Variants in STIM2 observed in about 807,000 individuals in gnomAD.
STIM2 encodes stromal interaction molecule 2.
A neutral mutation model predicts 85.8 loss-of-function variants in STIM2; 31 were observed. The ratio of observed to expected loss-of-function variants is 0.36; its 90% CI spans 0.27 to 0.49. STIM2 has a LOEUF of 0.49. STIM2 is among the 20% of genes least tolerant of loss of function. The pLI, the probability that STIM2 is intolerant of heterozygous loss-of-function variation, is 0.98. For synonymous variants in STIM2, 356 were observed against 331.1 expected (o/e 1.08, Z -0.82); for missense variants, 841 against 927.6 (o/e 0.91, Z 1.21).
chr4:26,962,559 AGTGTGTGTGTGT>A (rs34301656), intron 3 of STIM2, among the ~76,000 whole-genome samples: 315 of 142,714 alleles, frequency 2.2e-3, no homozygotes, highest in Middle Eastern at 0.01. Flanking sequence ...ACTTTAATGC[AGTGTGTGTGTGT>A]GTGTGTGTGT....
intron 7 of STIM2, among the ~76,000 whole-genome samples, chr4:27,004,347 A>G (rs1257117252): frequency 6.6e-6 from 1 of 152,142 alleles, no homozygotes; most frequent in African/African-American, 2.4e-5. Flanking sequence ...GAATGTAGCA[A>G]AGAATCAGGG....
intron 1 of STIM2, among the ~76,000 whole-genome samples, chr4:26,870,901 CTT>C (rs58728231): frequency 2.0e-3 from 279 of 141,106 alleles, no homozygotes; most frequent in African/African-American, 6.2e-3. Flanking sequence ...TTAGTGAATC[CTT>C]TTTTTTTTTT....
chr4:26,963,671 C>T (rs1726569838), intron 3 of STIM2, among the ~76,000 whole-genome samples: 1 of 152,134 alleles, frequency 6.6e-6, no homozygotes, highest in Non-Finnish European at 1.5e-5. Context: ...ATATAAATGA[C>T]ACGATTGCAG....
chr4:26,973,718 A>G (rs1727068339), intron 3 of STIM2, among the ~76,000 whole-genome samples: 1 of 152,184 alleles, frequency 6.6e-6, no homozygotes, highest in Admixed American at 6.5e-5. Flanking sequence ...TGTTCTGTTG[A>G]TTAGGGCTGG....
intron 1 of STIM2, among the ~76,000 whole-genome samples, chr4:26,894,266 A>ATG (rs199610340): frequency 1.3e-5 from 2 of 150,866 alleles, no homozygotes; most frequent in African/African-American, 2.5e-5. Flanking sequence ...TTATATACTT[A>ATG]TGTGTGTATA....
intron 1 of STIM2, among the ~76,000 whole-genome samples, chr4:26,890,203 T>C (rs1395444023): frequency 6.6e-6 from 1 of 152,182 alleles, no homozygotes; most frequent in Admixed American, 6.5e-5. Flanking sequence ...GCCCACTTTT[T>C]TTTCTTCGGT....
intron 11 of STIM2, chr4:27,021,535 A>G: frequency 2.2e-6 from 1 of 456,820 alleles, no homozygotes; most frequent in Non-Finnish European, 4.4e-6. Context: ...CAGGGACCAC[A>G]TGTACACGGC....
chr4:27,004,555 A>G (rs749976158), intron 7 of STIM2, among the ~76,000 whole-genome samples: 1 of 152,154 alleles, frequency 6.6e-6, no homozygotes, highest in Non-Finnish European at 1.5e-5. Flanking sequence ...ATTCTTCTAC[A>G]GAGATATAAA....
chr4:26,986,012 C>T (rs1211789046), intron 3 of STIM2, among the ~76,000 whole-genome samples: 1 of 152,184 alleles, frequency 6.6e-6, no homozygotes, highest in Non-Finnish European at 1.5e-5. Flanking sequence ...GAGGTTTCCT[C>T]AGAACGCAGG....
chr4:26,980,788 T>C (rs540607831), intron 3 of STIM2, among the ~76,000 whole-genome samples: 1 of 152,206 alleles, frequency 6.6e-6, no homozygotes, highest in Non-Finnish European at 1.5e-5. Context: ...TAAAGGCTAG[T>C]TTTCAAAAGG....
intron 3 of STIM2, among the ~76,000 whole-genome samples, chr4:26,986,087 C>G (rs1336498375): frequency 6.6e-6 from 1 of 152,160 alleles, no homozygotes; most frequent in Non-Finnish European, 1.5e-5. Context: ...CCACTACTTA[C>G]TTGGTCTGTG....
At chr4:26,887,184 T>TC (rs1491238982) in intron 1 of STIM2, among the ~76,000 whole-genome samples, 1 of 12,536 alleles carries the variant, frequency 8.0e-5, no homozygotes, top group Non-Finnish European at 1.9e-4. Context: ...ATAATTAAAC[T>TC]TTTTTTTTTT....
chr4:26,937,297 G>A (rs73116672), intron 2 of STIM2, among the ~76,000 whole-genome samples: 5,729 of 152,178 alleles, frequency 0.038, 252 homozygotes, highest in African/African-American at 0.11. Context: ...CCGGAAGGGG[G>A]CAGAGCAGTG....
intron 1 of STIM2, among the ~76,000 whole-genome samples, chr4:26,919,277 C>T (rs891248165): frequency 9.2e-5 from 14 of 151,932 alleles, no homozygotes; most frequent in African/African-American, 3.4e-4. Flanking sequence ...GACATAACTC[C>T]TGGTTGTAGT....
At chr4:26,957,762 C>G in intron 3 of STIM2, 36 bp downstream of exon 3, 1 of 1,319,548 alleles carries the variant, frequency 7.6e-7, no homozygotes, top group Non-Finnish European at 1.1e-6. Flanking sequence ...CCCTCCCCTT[C>G]TGCACATCTA....
chr4:26,873,609 AG>A (rs1244495460), intron 1 of STIM2: 5 of 512,524 alleles, frequency 9.8e-6, no homozygotes, highest in Admixed American at 2.7e-5. Context: ...GTGATCAGAC[AG>A]GGCTTGTTTC....
At chr4:27,006,251 A>G (rs143244321) in intron 7 of STIM2, among the ~76,000 whole-genome samples, 22 of 152,330 alleles carry the variant, frequency 1.4e-4, no homozygotes, top group Non-Finnish European at 2.5e-4. Context: ...ATCTTAAAAT[A>G]TATTTTTCTA....
intron 2 of STIM2, among the ~76,000 whole-genome samples, chr4:26,948,810 A>G (rs1290654850): frequency 6.6e-6 from 1 of 152,108 alleles, no homozygotes; most frequent in African/African-American, 2.4e-5. Context: ...ATTGTAATTA[A>G]TATTGCAGTG....
intron 2 of STIM2, among the ~76,000 whole-genome samples, chr4:26,943,883 C>T (rs1230501253): frequency 6.6e-6 from 1 of 152,096 alleles, no homozygotes; most frequent in African/African-American, 2.4e-5. Flanking sequence ...ACCAGCATAA[C>T]TAGTCAGGAT....
Sources: allele counts gnomAD v4.1 joint callset (sites outside exome capture counted in the v4.1 genomes callset), GRCh38; gene constraint gnomAD v4.1.1; transcripts MANE v1.5; gene names NCBI Gene and HGNC (gene_info 2026-07-23, HGNC 2026-07-21).